EYS: variants seen among roughly 807,000 people sequenced by gnomAD.
EYS encodes protein eyes shut homolog.
Under a neutral mutation model 282.1 loss-of-function variants are expected in EYS, and 250 were observed. The observed-to-expected ratio is 0.89, with a 90% CI of 0.80 to 0.98. The LOEUF is 0.98. Among genes scored for constraint, EYS ranks in the 50% least tolerant of loss-of-function variants. The probability of loss-of-function intolerance (pLI) is 0.00; values close to 1 mark genes in which losing one functional copy is unlikely to be tolerated. For synonymous variants in EYS, 1,355 were observed against 1,282.9 expected, an observed-to-expected ratio of 1.06 and a Z score of -1.20; for missense variants, 4,016 against 3,709.0, an observed-to-expected ratio of 1.08 and a Z score of -2.15.
chr6:65,266,977 C>CATATATATATAT (rs1308194470), intron 12 of EYS, among the ~76,000 whole-genome samples: 6 of 143,278 alleles, frequency 4.2e-5, no homozygotes, highest in African/African-American at 1.3e-4. Flanking sequence ...CATACCTTGA[C>CATATATATATAT]ATATATATAT....
Position 64,440,645 on chromosome 6 carries a change from A to G in EYS, c.5645-1293T>C, listed in dbSNP as rs9362842. Among the ~76,000 whole-genome samples the G allele has an allele frequency of 1.6e-4, 24 of 152,268 alleles. No homozygotes were observed. In the East Asian group the frequency reaches 3.9e-3, roughly 24 times the overall value. On this transcript the variant is annotated intron_variant, in intron 26 of 42. Transcript: ENST00000503581. Reference sequence around the variant, plus strand: ...GTTTCAATGGTGATGTTAAAAGCATAATACAATAACATTTTAAACAACAAG... The same window carrying G: ...GTTTCAATGGTGATGTTAAAAGCATGATACAATAACATTTTAAACAACAAG...
intron 31 of EYS, among the ~76,000 whole-genome samples, chr6:64,106,338 C>T (rs932453268): frequency 2.0e-5 from 3 of 150,962 alleles, no homozygotes; most frequent in Admixed American, 1.3e-4. Context: ...TTTTTGTTTG[C>T]CTGAAAAAAA....
chr6:65,543,887 G>A (rs1295090222), intron 2 of EYS, among the ~76,000 whole-genome samples: 3 of 152,130 alleles, frequency 2.0e-5, no homozygotes, highest in Non-Finnish European at 4.4e-5. Context: ...TACCATTGCT[G>A]GAGTGAAGGG....
intron 26 of EYS, among the ~76,000 whole-genome samples, chr6:64,538,957 G>A (rs1764612513): frequency 6.6e-6 from 1 of 152,190 alleles, no homozygotes; most frequent in Non-Finnish European, 1.5e-5. Flanking sequence ...GCTGAGCCCA[G>A]ATGTGCTCTA....
intron 12 of EYS, among the ~76,000 whole-genome samples, chr6:65,216,120 A>G (rs1344745415): frequency 6.6e-6 from 1 of 152,174 alleles, no homozygotes; most frequent in Non-Finnish European, 1.5e-5. Context: ...TATAAATTGT[A>G]AATAAATGTG....
At chr6:63,813,805 A>G (rs973484691) in intron 36 of EYS, among the ~76,000 whole-genome samples, 1 of 152,130 alleles carries the variant, frequency 6.6e-6, no homozygotes, top group Non-Finnish European at 1.5e-5. Flanking sequence ...GATGGTAGGT[A>G]GATCTTCCCT....
Position 65,121,325 on chromosome 6 carries a change from A to G in EYS, c.2024-63598T>C, listed in dbSNP as rs529675952. The stretch of plus-strand genomic sequence containing the variant: ...ACTTATACAGTTGAAAAAGGAGACA[A>G]AGGAAGAGAACAAATGGGGAACATT... On this transcript the variant is annotated intron_variant, in intron 12 of 42. Transcript: ENST00000503581. Among the ~76,000 whole-genome samples, 13 of 152,292 alleles carry G rather than the reference A, an allele frequency of 8.5e-5. No individual in the cohort carries two copies. The South Asian group carries it at 2.7e-3, about 32-fold the overall frequency.
At chr6:65,695,808 A>G (rs1769431040) in intron 1 of EYS, among the ~76,000 whole-genome samples, 1 of 152,000 alleles carries the variant, frequency 6.6e-6, no homozygotes, top group South Asian at 2.1e-4. Context: ...AGCTATATAA[A>G]CATAGTTATA....
At chr6:65,049,736 G>C (rs1370949595) in intron 13 of EYS, among the ~76,000 whole-genome samples, 1 of 151,604 alleles carries the variant, frequency 6.6e-6, no homozygotes, top group Non-Finnish European at 1.5e-5. Context: ...CTCATTGTTA[G>C]AGTGTCAGGA....
At chr6:65,178,902 C>A (rs1454338626) in intron 12 of EYS, among the ~76,000 whole-genome samples, 1 of 151,846 alleles carries the variant, frequency 6.6e-6, no homozygotes, top group East Asian at 1.9e-4. Context: ...TCAGGATTAA[C>A]AAACTCACTC....
intron 29 of EYS, among the ~76,000 whole-genome samples, chr6:64,325,510 T>C: frequency 6.6e-6 from 1 of 152,156 alleles, no homozygotes; most frequent in East Asian, 1.9e-4. Flanking sequence ...CAAGGCTCTT[T>C]AACACCTCCC....
At chr6:63,936,800 A>G (rs1413671999) in intron 35 of EYS, among the ~76,000 whole-genome samples, 1 of 152,256 alleles carries the variant, frequency 6.6e-6, no homozygotes, top group Non-Finnish European at 1.5e-5. Flanking sequence ...ATGTAATTTG[A>G]AAACATATCA....
rs61686102 is a variant in EYS at position 65,595,649 on chromosome 6, CA to C, written c.-333+44128del. Among the ~76,000 whole-genome samples, 202 of 146,094 alleles carry C rather than the reference CA, an allele frequency of 1.4e-3. 2 individuals carry two copies. The highest frequency in any genetic ancestry group is 2.2e-3 in the African/African-American group (89 of 39,928). On this transcript the variant is annotated intron_variant, in intron 2 of 42. Transcript: ENST00000503581. The stretch of plus-strand genomic sequence containing the variant: ...CGTCAATAAAACAGCTCTTTTATCT[CA>C]AAAAAAAAAAAATCAGTTTAGTTAA...
intron 4 of EYS, chr6:65,491,320 A>T: frequency 3.7e-6 from 1 of 268,728 alleles, no homozygotes; most frequent in Admixed American, 4.6e-5. Context: ...CTTCCATAAC[A>T]TACTCATTCT....
intron 41 of EYS, among the ~76,000 whole-genome samples, chr6:63,752,730 C>T (rs1054690115): frequency 1.1e-4 from 16 of 152,020 alleles, no homozygotes; most frequent in African/African-American, 3.1e-4. Context: ...CTCCTGACCT[C>T]GTGATCCTCC....
chr6:65,703,515 G>T lies in EYS; in HGVS notation c.-448+3620C>A, dbSNP rs1230668868. 2.6e-5 allele frequency among the ~76,000 whole-genome samples: 4 copies of T among 151,634 alleles called. No homozygotes were observed. In the East Asian group the frequency reaches 7.7e-4, roughly 29 times the overall value. On this transcript the variant is annotated intron_variant, in intron 1 of 42. Coordinates refer to ENST00000503581, the MANE Select transcript of EYS (RefSeq NM_001142800.2). The stretch of plus-strand genomic sequence containing the variant: ...TTTGCTAATATTACATTTTTATTGA[G>T]AATATATTCCTATCAAAAATTTGAA...
At chr6:64,045,227 T>G (rs529133581) in intron 33 of EYS, among the ~76,000 whole-genome samples, 1 of 151,894 alleles carries the variant, frequency 6.6e-6, no homozygotes, top group African/African-American at 2.4e-5. Context: ...TTTTTACTTT[T>G]TTTTTAATAA....
At chr6:63,723,240 T>C (rs148916727) in intron 42 of EYS, among the ~76,000 whole-genome samples, 1,807 of 152,266 alleles carry the variant, frequency 0.012, 30 homozygotes, top group African/African-American at 0.042. Context: ...CTAACATGTA[T>C]AGCATTTTTA....
chr6:64,230,890 A>T, intron 30 of EYS, 66 bp from the exon 31 acceptor site: 1 of 976,060 alleles, frequency 1.0e-6, no homozygotes, highest in Non-Finnish European at 1.5e-6. Flanking sequence ...AAATAGAAAT[A>T]ATAGAAAATT....
Sources: allele counts gnomAD v4.1 joint callset (sites outside exome capture counted in the v4.1 genomes callset), GRCh38; gene constraint gnomAD v4.1.1; transcripts MANE v1.5; gene names NCBI Gene and HGNC (gene_info 2026-07-23, HGNC 2026-07-21).